The following ANKRD42 variants were observed in gnomAD, a reference collection of about 807,000 sequenced individuals.
ANKRD42 encodes ankyrin repeat domain-containing protein 42.
ANKRD42 carries 43 observed loss-of-function variants against 51.5 expected under a neutral mutation model. The ratio of observed to expected loss-of-function variants is 0.83; its 90% confidence interval spans 0.65 to 1.08. The LOEUF is 1.08. Among genes scored for constraint, ANKRD42 ranks in the 50% least tolerant of loss-of-function variants. ANKRD42 has a pLI of 0.00. For missense variants in ANKRD42, 608 were observed against 629.3 expected, an observed-to-expected ratio of 0.97 and a Z score of 0.36; for synonymous variants, 203 against 213.0, an observed-to-expected ratio of 0.95 and a Z score of 0.41.
Position 83,204,638 on chromosome 11 carries a change from T to TA in ANKRD42, c.223-1410dup, listed in dbSNP as rs971566242. ...CACATGTACCCTCTGAATCTAAAAT[T>TA]AAAAAAAAAAGAAAATGAAGCTTGA... is the stretch of plus-strand genomic sequence containing the variant. On this transcript the variant is annotated intron_variant, in intron 2 of 10. Transcript: ENST00000533342. 4.1e-5 allele frequency among the ~76,000 whole-genome samples: 6 copies of TA among 146,484 alleles called. No homozygotes were observed. The East Asian group carries it at 6.0e-4, about 15-fold the overall frequency.
intron 5 of ANKRD42, chr11:83,214,129 T>A (rs1197939038): frequency 6.6e-6 from 1 of 152,252 alleles, no homozygotes; most frequent in Non-Finnish European, 1.5e-5. Context: ...GACCTTGTGA[T>A]CCACCCACCT....
chr11:83,240,580 A>G (rs956754480), intron 8 of ANKRD42, among the ~76,000 whole-genome samples, 179 bp from the exon 9 acceptor site: 3 of 152,172 alleles, frequency 2.0e-5, no homozygotes, highest in Non-Finnish European at 2.9e-5. Flanking sequence ...CAAGTAACTG[A>G]GTTTCTTACA....
chr11:83,260,973 G>A (rs1460697157), downstream of ANKRD42: 1 of 152,154 alleles, frequency 6.6e-6, no homozygotes, highest in Non-Finnish European at 1.5e-5. Flanking sequence ...ACATTAAGAA[G>A]CAGGGATAAA....
At chr11:83,254,431 T>TA (rs1216283643) in intron 11 of ANKRD42, among the ~76,000 whole-genome samples, 1 of 67,778 alleles carries the variant, frequency 1.5e-5, no homozygotes, top group African/African-American at 8.2e-5. Flanking sequence ...TTCTTTTTTC[T>TA]TTTCTTTTTT....
rs777721754 is a variant in ANKRD42 at position 83,247,943 on chromosome 11, G to T, written c.1323G>T (p.Lys441Asn). The change falls in exon 11 of 11, where the codon AAG (lysine) becomes AAT (asparagine). Residue 441 changes from lysine (K) to asparagine (N), a missense_variant and splice_region_variant. Coordinates refer to ENST00000533342, the MANE Select transcript of ANKRD42 (RefSeq NM_001300975.2). ...KQKKEQLESE[K>N]TIKELQGQLE... is the part of the protein sequence containing the mutation. Reference sequence around the variant, plus strand: ...TTTTAAAAAATTTTGTTTTTGATAGGACCATCAAAGAACTGCAGGGCCAGC... The same window carrying T: ...TTTTAAAAAATTTTGTTTTTGATAGTACCATCAAAGAACTGCAGGGCCAGC... 6.3e-7 allele frequency: 1 copy of T among 1,597,468 alleles called. No individual in the cohort carries two copies. Among genetic ancestry groups the T allele is most frequent in the Non-Finnish European group, 8.5e-7 (1 of 1,174,540 alleles).
At chr11:83,226,226 CAT>C (rs763164066) in intron 6 of ANKRD42, among the ~76,000 whole-genome samples, 18 of 135,422 alleles carry the variant, frequency 1.3e-4, no homozygotes, top group African/African-American at 3.1e-4. Context: ...CACACACACA[CAT>C]ACACACACAC....
At chr11:83,234,133 C>T (rs1210786368) in intron 7 of ANKRD42, among the ~76,000 whole-genome samples, 1 of 152,110 alleles carries the variant, frequency 6.6e-6, no homozygotes, top group Non-Finnish European at 1.5e-5. Flanking sequence ...TTTTCAACTT[C>T]CTTCTTAATT....
At chr11:83,225,358 G>T (rs1446751220) in intron 6 of ANKRD42, among the ~76,000 whole-genome samples, 2 of 152,082 alleles carry the variant, frequency 1.3e-5, no homozygotes, top group Non-Finnish European at 2.9e-5. Flanking sequence ...CTTGAGCCCA[G>T]AAGTTTGAGA....
intron 3 of ANKRD42, chr11:83,209,859 T>C: frequency 4.1e-6 from 2 of 488,912 alleles, no homozygotes; most frequent in South Asian, 4.4e-5. Flanking sequence ...CAGCCTCAGC[T>C]GAATATGACC....
intron 1 of ANKRD42, among the ~76,000 whole-genome samples, chr11:83,197,138 G>A (rs181260938): frequency 6.6e-5 from 10 of 151,046 alleles, no homozygotes; most frequent in African/African-American, 2.5e-4. Context: ...GTTCCCATTT[G>A]CCATATATCT....
rs115683569 is a variant in ANKRD42, at chr11:83,205,651, C to G, written c.223-407C>G. ...TTTGCTCTGATGCAAAAGCTCTGGA[C>G]CCGTTTAAAGATCTATGTTTGAGAT... On this transcript the variant is annotated intron_variant, in intron 2 of 10. Transcript: ENST00000533342. Among the ~76,000 whole-genome samples, 358 of 152,226 alleles carry G rather than the reference C, an allele frequency of 2.4e-3. 2 individuals carry two copies. Among genetic ancestry groups the G allele is most frequent in the African/African-American group, 8.3e-3 (344 of 41,514 alleles).
downstream of ANKRD42, among the ~76,000 whole-genome samples, chr11:83,251,510 TA>T (rs569502051): frequency 7.6e-4 from 115 of 152,294 alleles, 1 homozygote; most frequent in African/African-American, 2.6e-3. Flanking sequence ...AACTCTCAGA[TA>T]AAATAAACAA....
intron 5 of ANKRD42, among the ~76,000 whole-genome samples, chr11:83,221,759 C>T (rs961074377): frequency 1.3e-5 from 2 of 152,108 alleles, no homozygotes; most frequent in African/African-American, 4.8e-5. Flanking sequence ...GTGGAAAGAA[C>T]CTTAGTATGG....
downstream of ANKRD42, among the ~76,000 whole-genome samples, chr11:83,251,499 C>T (rs1863674602): frequency 6.6e-6 from 1 of 152,084 alleles, no homozygotes. Flanking sequence ...ATGAAGAAAT[C>T]AACTCTCAGA....
intron 8 of ANKRD42, among the ~76,000 whole-genome samples, chr11:83,239,793 T>C (rs1473906644): frequency 6.6e-6 from 1 of 152,218 alleles, no homozygotes; most frequent in African/African-American, 2.4e-5. Flanking sequence ...TATCTGAAGT[T>C]TTCCATAATT....
At chr11:83,230,839 G>A (rs1863048240) in intron 7 of ANKRD42, among the ~76,000 whole-genome samples, 1 of 152,140 alleles carries the variant, frequency 6.6e-6, no homozygotes. Flanking sequence ...GCCCACCTCG[G>A]CCTCCCAAAG....
At position 83,230,432 on chromosome 11, in the gene ANKRD42, A is replaced by G. The variant is rs187847649; in HGVS notation, c.913+2560A>G. On this transcript the variant is annotated intron_variant, in intron 7 of 10. Coordinates refer to ENST00000533342, the MANE Select transcript of ANKRD42 (RefSeq NM_001300975.2). Reference sequence around the variant, plus strand: ...CTACTACCTTTCCCAACCTCTGGTAACCATCCTACTCTTTGTGTCCGTGAG... The same window carrying G: ...CTACTACCTTTCCCAACCTCTGGTAGCCATCCTACTCTTTGTGTCCGTGAG... 3.2e-4 allele frequency among the ~76,000 whole-genome samples: 48 copies of G among 152,216 alleles called. No homozygotes were observed. The East Asian group carries it at 6.2e-3, about 20-fold the overall frequency.
At chr11:83,241,154 T>C (rs780568286) in intron 9 of ANKRD42, among the ~76,000 whole-genome samples, 15 of 152,222 alleles carry the variant, frequency 9.9e-5, no homozygotes, top group Non-Finnish European at 2.1e-4. Flanking sequence ...TGGAAAGTTA[T>C]ATAAGAAAAT....
intron 6 of ANKRD42, among the ~76,000 whole-genome samples, chr11:83,225,729 G>A (rs575382251): frequency 7.5e-6 from 1 of 132,920 alleles, no homozygotes; most frequent in South Asian, 2.5e-4. Context: ...GTGGTGAGCT[G>A]AAATCATGCA....
Sources: gnomAD v4.1 joint callset for allele counts (sites outside exome capture counted in the v4.1 genomes callset) on GRCh38, gnomAD v4.1.1 for gene constraint, MANE v1.5 for transcripts, NCBI Gene and HGNC (gene_info 2026-07-23, HGNC 2026-07-21) for gene names.